The following NBEAL1 variants were observed in gnomAD, a reference collection of about 807,000 sequenced individuals.
The protein encoded by NBEAL1 is neurobeachin-like protein 1.
Under a neutral mutation model 351.3 loss-of-function variants are expected in NBEAL1, and 273 were observed. The observed-to-expected ratio is 0.78, with a 90% CI of 0.70 to 0.86. The LOEUF is 0.86. Ranked by LOEUF, NBEAL1 falls within the 40% of genes least tolerant of loss-of-function variation. The pLI is 0.00. For synonymous variants in NBEAL1, 1,050 were observed against 1,086.4 expected, an observed-to-expected ratio of 0.97 and a Z score of 0.66; for missense variants, 2,961 against 3,201.3, an observed-to-expected ratio of 0.92 and a Z score of 1.81.
At chr2:203,113,803 G>C (rs1167181617) in intron 17 of NBEAL1, among the ~76,000 whole-genome samples, 1 of 148,578 alleles carries the variant, frequency 6.7e-6, no homozygotes, top group Non-Finnish European at 1.5e-5. Flanking sequence ...GACGGAGAAA[G>C]AGATCTCCTG....
intron 43 of NBEAL1, chr2:203,181,502 A>C (rs1380929753): frequency 6.6e-6 from 1 of 152,192 alleles, no homozygotes. Context: ...TTAAATGTCC[A>C]AATCCTTTTT....
chr2:203,123,220 T>G (rs2106275868), intron 19 of NBEAL1, among the ~76,000 whole-genome samples: 1 of 152,098 alleles, frequency 6.6e-6, no homozygotes, highest in Non-Finnish European at 1.5e-5. Flanking sequence ...AAGATAATTT[T>G]GCCTATGTAG....
chr2:203,172,222 C>A (rs991042397), intron 40 of NBEAL1, among the ~76,000 whole-genome samples, 199 bp downstream of exon 40: 1 of 152,060 alleles, frequency 6.6e-6, no homozygotes, highest in African/African-American at 2.4e-5. Flanking sequence ...CTTTCACTTC[C>A]TTGAAAATAT....
At chr2:203,104,859 C>A (rs2062399433) in intron 12 of NBEAL1, among the ~76,000 whole-genome samples, 1 of 150,634 alleles carries the variant, frequency 6.6e-6, no homozygotes, top group African/African-American at 2.4e-5. Flanking sequence ...TTTCTTTTTT[C>A]TTTCTTTCTT....
chr2:203,023,645 C>T (rs1309353542), intron 2 of NBEAL1, among the ~76,000 whole-genome samples: 2 of 151,190 alleles, frequency 1.3e-5, no homozygotes, highest in African/African-American at 4.9e-5. Flanking sequence ...AAAAAAACAC[C>T]GTGGTCTTCC....
chr2:203,130,032 G>A (rs1044021167), intron 24 of NBEAL1, among the ~76,000 whole-genome samples: 2 of 152,124 alleles, frequency 1.3e-5, no homozygotes, highest in Non-Finnish European at 2.9e-5. Flanking sequence ...GCATGGTGGT[G>A]CACACCTGCA....
chr2:203,130,106 G>A (rs1021755109), intron 24 of NBEAL1, among the ~76,000 whole-genome samples: 4 of 152,304 alleles, frequency 2.6e-5, no homozygotes, highest in Admixed American at 2.6e-4. Flanking sequence ...AGGCTGCAGT[G>A]AGCTGTGATC....
At chr2:203,190,241 G>A (rs2065032239) in intron 45 of NBEAL1, 51 bp from the exon 46 acceptor site, 8 of 1,211,270 alleles carry the variant, frequency 6.6e-6, no homozygotes, top group Non-Finnish European at 9.5e-6. Context: ...CAGTGATGTG[G>A]CTTGCTGATT....
At chr2:203,043,977 A>G (rs916940955) in intron 3 of NBEAL1, among the ~76,000 whole-genome samples, 17 of 152,168 alleles carry the variant, frequency 1.1e-4, no homozygotes, top group Non-Finnish European at 4.4e-5. Flanking sequence ...GGAAAATAAG[A>G]GTGCTACTGA....
intron 51 of NBEAL1, among the ~76,000 whole-genome samples, chr2:203,204,142 C>A (rs751658740): frequency 2.7e-5 from 4 of 150,594 alleles, no homozygotes; most frequent in Non-Finnish European, 5.9e-5. Context: ...TTCTCCAGGA[C>A]GGTCTCGAAC....
chr2:203,200,512 C>CA (rs2065366853), intron 49 of NBEAL1, among the ~76,000 whole-genome samples: 1 of 151,274 alleles, frequency 6.6e-6, no homozygotes, highest in South Asian at 2.1e-4. Context: ...GACTCCAACT[C>CA]AAAAAAATAA....
intron 51 of NBEAL1, among the ~76,000 whole-genome samples, chr2:203,207,596 T>C (rs1303387281): frequency 1.3e-5 from 2 of 152,246 alleles, no homozygotes; most frequent in Non-Finnish European, 1.5e-5. Flanking sequence ...TGGGATCCTG[T>C]TGATCTGTGA....
intron 41 of NBEAL1, 122 bp downstream of exon 41, chr2:203,172,975 T>A: frequency 1.5e-6 from 1 of 657,134 alleles, no homozygotes; most frequent in Admixed American, 3.6e-5. Context: ...ATAATCAGAG[T>A]CTGATAATTA....
rs1484314198 is a variant in NBEAL1, at chr2:203,110,301, A to G, written c.2082+19A>G. 6 of 1,543,398 alleles carry G rather than the reference A, an allele frequency of 3.9e-6. No individual in the cohort carries two copies. The highest frequency in any genetic ancestry group is 1.2e-5 in the South Asian group (1 of 81,714). On this transcript the variant is annotated intron_variant, in intron 15 of 55. Coordinates refer to ENST00000683969, the MANE Select transcript of NBEAL1 (RefSeq NM_001378026.1). ...CCTCTGGGTAAGGCTTTAGGGCATC[A>G]CATTTAACTTCTAGTATGGTTAATG...
chr2:203,194,512 A>G (rs1453824348), intron 47 of NBEAL1, among the ~76,000 whole-genome samples: 3 of 152,222 alleles, frequency 2.0e-5, no homozygotes, highest in Non-Finnish European at 4.4e-5. Context: ...GAAAATATAC[A>G]TTGAACAGTC....
chr2:203,018,107 C>G (rs759110735), intron 2 of NBEAL1, among the ~76,000 whole-genome samples: 3 of 152,066 alleles, frequency 2.0e-5, no homozygotes, highest in Non-Finnish European at 4.4e-5. Flanking sequence ...AATCAGGTAG[C>G]TACCAAATAT....
chr2:203,166,001 T>A (rs754476452), intron 36 of NBEAL1, 148 bp from the exon 37 acceptor site: 14 of 608,950 alleles, frequency 2.3e-5, no homozygotes, highest in Non-Finnish European at 3.3e-5. Flanking sequence ...GAGCCGACAT[T>A]GTGCCACTGC....
intron 7 of NBEAL1, among the ~76,000 whole-genome samples, chr2:203,075,627 A>G (rs142508862): frequency 3.4e-4 from 52 of 152,320 alleles, no homozygotes; most frequent in African/African-American, 1.3e-3. Context: ...CCTCCACTCC[A>G]GTACTCTGCT....
chr2:203,048,418 C>G (rs1396979269), intron 3 of NBEAL1, among the ~76,000 whole-genome samples: 1 of 150,946 alleles, frequency 6.6e-6, no homozygotes, highest in African/African-American at 2.4e-5. Context: ...TTTGTTATGC[C>G]TTGGATTTTC....
Sources: gnomAD v4.1 joint callset for allele counts (sites outside exome capture counted in the v4.1 genomes callset) on GRCh38, gnomAD v4.1.1 for gene constraint, MANE v1.5 for transcripts, NCBI Gene and HGNC (gene_info 2026-07-23, HGNC 2026-07-21) for gene names.